The following EPHA5 variants were observed in gnomAD, a reference collection of about 807,000 sequenced individuals.
EPHA5 encodes the protein EPH receptor A5, also known as ephrin type-A receptor 5.
Under a neutral mutation model 105.0 loss-of-function variants are expected in EPHA5, and 60 were observed. That is an observed-to-expected ratio of 0.57 (90% CI 0.46 to 0.71). The LOEUF (loss-of-function observed/expected upper bound fraction) is 0.71. EPHA5 is among the 30% of genes least tolerant of loss of function. The pLI, the probability that EPHA5 is intolerant of heterozygous loss-of-function variation, is 0.00. For synonymous variants in EPHA5, 513 were observed against 449.1 expected (o/e 1.14, Z -1.80); for missense variants, 1,218 against 1,274.7 (o/e 0.96, Z 0.68).
At chr4:65,576,907 T>A (rs1741112870) in intron 3 of EPHA5, among the ~76,000 whole-genome samples, 1 of 152,152 alleles carries the variant, frequency 6.6e-6, no homozygotes, top group African/African-American at 2.4e-5. Flanking sequence ...GCTCAGTCCC[T>A]TGGTACCTCT....
chr4:65,599,181 T>C (rs911501716), intron 3 of EPHA5, among the ~76,000 whole-genome samples: 1 of 152,032 alleles, frequency 6.6e-6, no homozygotes, highest in Non-Finnish European at 1.5e-5. Context: ...CTATAAACAC[T>C]GTGATGGATT....
In EPHA5 at chr4:65,490,497, T is replaced by C. The variant is rs2149212916; in HGVS notation, c.1282A>G (p.Met428Val). The C allele has an allele frequency of 6.2e-7, 1 of 1,614,136 alleles. No individual in the cohort carries two copies. The highest frequency in any genetic ancestry group is 8.5e-7 in the Non-Finnish European group (1 of 1,180,020). Reference protein sequence around the residue: ...QSGLKNTSVMMVDLLAHTNYT... With the variant: ...QSGLKNTSVMVVDLLAHTNYT... ...TTTGTGTGAGCGAGTAGATCCACCA[T>C]CATGACAGAGGTGTTTTTCAGGCCG... is the stretch of plus-strand genomic sequence containing the variant. The change falls in exon 5 of 17, where the codon ATG becomes GTG. Residue 428 changes from methionine to valine, a missense_variant. This residue lies in a region of EPHA5 where 971 missense variants were observed against 1,013.5 expected (regional missense o/e 0.96). Coordinates refer to ENST00000613740, the MANE Select transcript of EPHA5 (RefSeq NM_001281766.3).
intron 1 of EPHA5, among the ~76,000 whole-genome samples, chr4:65,653,750 A>G (rs1748814298): frequency 1.3e-5 from 2 of 152,268 alleles, no homozygotes; most frequent in South Asian, 4.1e-4. Context: ...GAAATAATGT[A>G]AAATAAAAGA....
intron 3 of EPHA5, among the ~76,000 whole-genome samples, chr4:65,592,582 C>T (rs1742774725): frequency 6.6e-6 from 1 of 151,864 alleles, no homozygotes; most frequent in Non-Finnish European, 1.5e-5. Context: ...GTGGCTGTTA[C>T]CTGATAACCT....
intron 7 of EPHA5, among the ~76,000 whole-genome samples, chr4:65,407,826 G>C (rs1560504488): frequency 1.3e-5 from 2 of 151,876 alleles, no homozygotes; most frequent in Non-Finnish European, 2.9e-5. Context: ...CATGATCTCG[G>C]CTCATTGCAA....
intron 14 of EPHA5, among the ~76,000 whole-genome samples, chr4:65,344,250 A>T (rs987363216): frequency 2.0e-5 from 3 of 152,150 alleles, no homozygotes; most frequent in Admixed American, 1.3e-4. Context: ...TTTGCAAATG[A>T]GATCACGTTT....
chr4:65,619,898 T>C (rs1020558329), intron 2 of EPHA5, among the ~76,000 whole-genome samples: 1 of 151,482 alleles, frequency 6.6e-6, no homozygotes, highest in East Asian at 1.9e-4. Context: ...TTCATAACAG[T>C]ATATCTTCAA....
At chr4:65,364,991 C>T (rs772248326) in intron 11 of EPHA5, 26 bp downstream of exon 11, 2 of 1,593,500 alleles carry the variant, frequency 1.3e-6, no homozygotes, top group South Asian at 2.2e-5. Flanking sequence ...TATGCACACA[C>T]ATGTATAATT....
At position 65,543,812 on chromosome 4, in the gene EPHA5, G is replaced by A. The variant is rs193194108; in HGVS notation, c.911-48269C>T. Among the ~76,000 whole-genome samples, 40 of 152,056 alleles carry A rather than the reference G, an allele frequency of 2.6e-4. No individual in the cohort carries two copies. In the East Asian group the frequency reaches 7.3e-3, roughly 28 times the overall value. ...CAAAGCCAGCGATATCACACTACCT[G>A]ACTTTAAACTACACTACAAGGCTAC... On this transcript the variant is annotated intron_variant, in intron 3 of 16. Coordinates refer to ENST00000613740, the MANE Select transcript of EPHA5 (RefSeq NM_001281766.3).
chr4:65,628,074 T>C (rs982419818), intron 2 of EPHA5, among the ~76,000 whole-genome samples: 2 of 152,130 alleles, frequency 1.3e-5, no homozygotes, highest in African/African-American at 4.8e-5. Flanking sequence ...GTGGTTTTCA[T>C]AATTTTATAC....
At chr4:65,642,576 CTGAGA>C (rs1428311755) in intron 2 of EPHA5, among the ~76,000 whole-genome samples, 1 of 151,818 alleles carries the variant, frequency 6.6e-6, no homozygotes, top group Non-Finnish European at 1.5e-5. Context: ...TAAAAGCCCA[CTGAGA>C]TGAGGATGTT....
intron 8 of EPHA5, among the ~76,000 whole-genome samples, chr4:65,370,866 T>C (rs1029227646): frequency 6.6e-6 from 1 of 152,038 alleles, no homozygotes; most frequent in African/African-American, 2.4e-5. Context: ...GAAGCATCAT[T>C]AAAACAAGCC....
intron 2 of EPHA5, among the ~76,000 whole-genome samples, chr4:65,626,026 G>A (rs1213632726): frequency 2.0e-5 from 3 of 151,486 alleles, no homozygotes; most frequent in Non-Finnish European, 4.4e-5. Context: ...ACATGAACCC[G>A]GGAGGCGGAG....
intron 8 of EPHA5, among the ~76,000 whole-genome samples, chr4:65,399,861 G>A (rs1216298389): frequency 2.6e-5 from 4 of 152,118 alleles, no homozygotes; most frequent in Non-Finnish European, 5.9e-5. Flanking sequence ...GTTGTATTGA[G>A]AAAGGTTCCA....
At chr4:65,654,944 T>C (rs1159707779) in intron 1 of EPHA5, among the ~76,000 whole-genome samples, 2 of 148,654 alleles carry the variant, frequency 1.3e-5, no homozygotes, top group African/African-American at 4.9e-5. Context: ...TTGATATATG[T>C]ATATATATCA....
intron 5 of EPHA5, among the ~76,000 whole-genome samples, chr4:65,486,755 A>C (rs1026214420): frequency 2.6e-5 from 4 of 152,386 alleles, no homozygotes; most frequent in African/African-American, 9.6e-5. Flanking sequence ...CATTAAACTT[A>C]AGACATTTTA....
chr4:65,454,171 T>C (rs1035754808), intron 5 of EPHA5, among the ~76,000 whole-genome samples: 8 of 152,028 alleles, frequency 5.3e-5, no homozygotes, highest in African/African-American at 1.7e-4. Flanking sequence ...TCTCAGCTAC[T>C]GTGAAGGCTG....
At chr4:65,643,342 A>G in intron 2 of EPHA5, 21 bp downstream of exon 2, 1 of 1,596,390 alleles carries the variant, frequency 6.3e-7, no homozygotes, top group Non-Finnish European at 8.6e-7. Context: ...TAAGTTTTAG[A>G]AAAACTTTCA....
At chr4:65,610,688 A>G (rs1282940920) in intron 2 of EPHA5, among the ~76,000 whole-genome samples, 1 of 152,202 alleles carries the variant, frequency 6.6e-6, no homozygotes, top group African/African-American at 2.4e-5. Flanking sequence ...AAATTAATAA[A>G]CTGAATAAAA....
Sources: gnomAD v4.1 joint callset for allele counts (sites outside exome capture counted in the v4.1 genomes callset) on GRCh38, gnomAD v4.1.1 for gene constraint, gnomAD v4.1.1 regional missense constraint, MANE v1.5 for transcripts, NCBI Gene and HGNC (gene_info 2026-07-23, HGNC 2026-07-21) for gene names.